The following SLC35F4 variants were observed in gnomAD, a reference collection of about 807,000 sequenced individuals.
SLC35F4 encodes the protein chromosome 14 open reading frame 36.
A neutral mutation model predicts 44.2 loss-of-function variants in SLC35F4; 24 were observed. The ratio of observed to expected loss-of-function variants is 0.54; its 90% confidence interval spans 0.39 to 0.76. SLC35F4 has a LOEUF of 0.76. Among genes scored for constraint, SLC35F4 ranks in the 30% least tolerant of loss-of-function variants. The pLI, the probability that SLC35F4 is intolerant of heterozygous loss-of-function variation, is 0.00. For missense variants in SLC35F4, 562 were observed against 586.1 expected, an observed-to-expected ratio of 0.96 and a Z score of 0.42; for synonymous variants, 238 against 223.6, an observed-to-expected ratio of 1.06 and a Z score of -0.57.
chr14:57,676,224 T>A (rs894547217), intron 1 of SLC35F4, among the ~76,000 whole-genome samples: 1 of 152,046 alleles, frequency 6.6e-6, no homozygotes, highest in African/African-American at 2.4e-5. Context: ...ATATGGTACA[T>A]ATATACCATG....
intron 1 of SLC35F4, among the ~76,000 whole-genome samples, chr14:57,594,669 G>T (rs2070389329): frequency 6.6e-6 from 1 of 152,206 alleles, no homozygotes; most frequent in Non-Finnish European, 1.5e-5. Flanking sequence ...AGTGTTCTGT[G>T]ATTTTCCACT....
At chr14:57,743,723 T>A (rs2076682034) in intron 1 of SLC35F4, among the ~76,000 whole-genome samples, 1 of 152,224 alleles carries the variant, frequency 6.6e-6, no homozygotes, top group Admixed American at 6.5e-5. Flanking sequence ...TAACTCATTT[T>A]ATGAGGCCAG....
intron 1 of SLC35F4, among the ~76,000 whole-genome samples, chr14:57,711,919 C>T (rs1771245374): frequency 6.6e-6 from 1 of 152,090 alleles, no homozygotes; most frequent in South Asian, 2.1e-4. Context: ...ACTTATTTAC[C>T]ATAATGCCAG....
intron 3 of SLC35F4, among the ~76,000 whole-genome samples, chr14:57,588,950 TG>T (rs1285711457): frequency 1.3e-5 from 2 of 152,074 alleles, no homozygotes; most frequent in African/African-American, 4.8e-5. Context: ...TGTCTTAAAA[TG>T]GGGATAACAC....
At chr14:57,918,480 T>G (rs933060049) in intron 1 of SLC35F4, among the ~76,000 whole-genome samples, 2 of 152,186 alleles carry the variant, frequency 1.3e-5, no homozygotes, top group African/African-American at 4.8e-5. Flanking sequence ...TTTTAGTCTG[T>G]TTAGATTTTA....
At chr14:57,981,218 TA>T (rs2141101287) in intron 1 of SLC35F4, among the ~76,000 whole-genome samples, 1 of 152,328 alleles carries the variant, frequency 6.6e-6, no homozygotes, top group South Asian at 2.1e-4. Flanking sequence ...TGAACATGTG[TA>T]ACCAGACCAT....
At chr14:57,887,870 A>AAC (rs370901720) in intron 1 of SLC35F4, among the ~76,000 whole-genome samples, 3 of 152,048 alleles carry the variant, frequency 2.0e-5, no homozygotes, top group African/African-American at 4.8e-5. Context: ...AGCTGACAGC[A>AAC]ACACACACAC....
At chr14:57,894,769 G>C (rs957751478) in intron 1 of SLC35F4, among the ~76,000 whole-genome samples, 1 of 150,974 alleles carries the variant, frequency 6.6e-6, no homozygotes, top group Non-Finnish European at 1.5e-5. Context: ...TCAGCTTTTG[G>C]CATGGTTGCA....
chr14:57,582,333 C>G (rs753732051), intron 3 of SLC35F4, among the ~76,000 whole-genome samples: 2 of 152,080 alleles, frequency 1.3e-5, no homozygotes, highest in Non-Finnish European at 1.5e-5. Flanking sequence ...GTAGCTGGGA[C>G]TACAGGCACG....
chr14:57,774,488 TC>T (rs1347707024), intron 1 of SLC35F4, among the ~76,000 whole-genome samples: 2 of 152,144 alleles, frequency 1.3e-5, no homozygotes, highest in African/African-American at 4.8e-5. Context: ...GGGATGCCCA[TC>T]CCCCTAGGCT....
chr14:57,745,879 A>G (rs1429976500), intron 1 of SLC35F4, among the ~76,000 whole-genome samples: 2 of 152,198 alleles, frequency 1.3e-5, no homozygotes, highest in Non-Finnish European at 2.9e-5. Flanking sequence ...TGTGGCACAT[A>G]TACACCATGG....
intron 1 of SLC35F4, chr14:57,630,517 A>G: frequency 9.0e-7 from 1 of 1,113,384 alleles, no homozygotes; most frequent in Non-Finnish European, 1.4e-6. Context: ...CCAAAACTAG[A>G]GGCACCTCAA....
intron 1 of SLC35F4, among the ~76,000 whole-genome samples, chr14:57,711,829 G>A (rs993116357): frequency 6.6e-6 from 1 of 152,164 alleles, no homozygotes; most frequent in Non-Finnish European, 1.5e-5. Flanking sequence ...ATGTACCCCA[G>A]AGCTATTTTA....
chr14:57,818,614 A>C (rs897265546), intron 1 of SLC35F4, among the ~76,000 whole-genome samples: 6 of 152,196 alleles, frequency 3.9e-5, no homozygotes, highest in African/African-American at 1.4e-4. Flanking sequence ...TAAATGTGAA[A>C]TCTCAGCAAC....
At chr14:57,564,652 C>T (rs139195168) in intron 7 of SLC35F4, among the ~76,000 whole-genome samples, 21 of 152,310 alleles carry the variant, frequency 1.4e-4, no homozygotes, top group Middle Eastern at 3.4e-3. Flanking sequence ...TTAACCTTCT[C>T]CAGTTTCATT....
At chr14:57,880,734 C>A (rs770814492) in intron 1 of SLC35F4, among the ~76,000 whole-genome samples, 1 of 152,146 alleles carries the variant, frequency 6.6e-6, no homozygotes, top group Non-Finnish European at 1.5e-5. Flanking sequence ...GTCTGGAGAT[C>A]TCATTGAGTG....
At chr14:57,670,587 G>A (rs1459435643) in intron 1 of SLC35F4, among the ~76,000 whole-genome samples, 1 of 151,822 alleles carries the variant, frequency 6.6e-6, no homozygotes, top group African/African-American at 2.4e-5. Flanking sequence ...ATTTCGTTAT[G>A]TACCCAGTAG....
intron 1 of SLC35F4, chr14:57,604,192 G>A (rs949667870): frequency 2.6e-5 from 4 of 152,200 alleles, no homozygotes; most frequent in African/African-American, 9.7e-5. Flanking sequence ...TCCGGTCACT[G>A]TGATAACGCC....
downstream of SLC35F4, among the ~76,000 whole-genome samples, chr14:57,975,599 A>T (rs7145436): frequency 3.3e-5 from 5 of 152,076 alleles, no homozygotes; most frequent in Admixed American, 6.5e-5. Context: ...CGAAAATTTC[A>T]GAAAAATGGA....
Sources: gnomAD v4.1 joint callset for allele counts (sites outside exome capture counted in the v4.1 genomes callset) on GRCh38, gnomAD v4.1.1 for gene constraint, MANE v1.5 for transcripts, NCBI Gene and HGNC (gene_info 2026-07-23, HGNC 2026-07-21) for gene names.